RBFOX1: variants seen among roughly 807,000 people sequenced by gnomAD.
RBFOX1 encodes the protein RNA binding protein fox-1 homolog 1.
RBFOX1 carries 8 observed loss-of-function variants against 57.7 expected under a neutral mutation model. The ratio of observed to expected loss-of-function variants is 0.14; its 90% CI spans 0.08 to 0.25. The LOEUF is 0.25. RBFOX1 is among the 10% of genes least tolerant of loss of function. The probability of loss-of-function intolerance (pLI) is 1.00; values close to 1 mark genes in which losing one functional copy is unlikely to be tolerated. For missense variants in RBFOX1, 611 were observed against 548.5 expected (o/e 1.11, Z -1.14); for synonymous variants, 326 against 222.4 (o/e 1.47, Z -4.15).
At chr16:6,336,147 A>G (rs1243719995) in intron 2 of RBFOX1, among the ~76,000 whole-genome samples, 4 of 72,146 alleles carry the variant, frequency 5.5e-5, no homozygotes, top group African/African-American at 2.3e-4. Context: ...TCATATATAT[A>G]CATATACATA....
intron 4 of RBFOX1, among the ~76,000 whole-genome samples, chr16:7,104,197 G>T (rs981520057): frequency 3.3e-5 from 5 of 152,130 alleles, no homozygotes; most frequent in African/African-American, 9.7e-5. Flanking sequence ...GTCTTTGCTA[G>T]TGACTGCTGT....
At chr16:7,563,528 C>T (rs2090937264) in intron 5 of RBFOX1, among the ~76,000 whole-genome samples, 1 of 152,166 alleles carries the variant, frequency 6.6e-6, no homozygotes, top group Non-Finnish European at 1.5e-5. Flanking sequence ...AGTGCAATGG[C>T]ACGATCTCTG....
At chr16:6,038,078 CGGG>C (rs1285501168) in intron 1 of RBFOX1, 1 of 151,860 alleles carries the variant, frequency 6.6e-6, no homozygotes, top group Non-Finnish European at 1.5e-5. Context: ...TATTTTTTGG[CGGG>C]GGATTGACTC....
At chr16:5,693,425 C>A (rs143348552) in intron 3 of RBFOX1, among the ~76,000 whole-genome samples, 3 of 150,206 alleles carry the variant, frequency 2.0e-5, no homozygotes, top group Admixed American at 6.6e-5. Context: ...GCAATGGATA[C>A]GCCTGAGTAG....
chr16:7,240,281 T>A (rs2093990646), intron 4 of RBFOX1, among the ~76,000 whole-genome samples: 1 of 152,060 alleles, frequency 6.6e-6, no homozygotes, highest in Admixed American at 6.6e-5. Context: ...CTATAAGATT[T>A]AAGGATAATA....
At chr16:5,719,475 G>A (rs1402236123) in intron 3 of RBFOX1, among the ~76,000 whole-genome samples, 1 of 151,680 alleles carries the variant, frequency 6.6e-6, no homozygotes, top group African/African-American at 2.4e-5. Flanking sequence ...CTCCCAAAGT[G>A]CTGGGATTGC....
intron 2 of RBFOX1, among the ~76,000 whole-genome samples, chr16:6,408,326 G>A (rs951012999): frequency 5.3e-5 from 8 of 152,140 alleles, no homozygotes; most frequent in African/African-American, 1.9e-4. Context: ...TAAGGAATAA[G>A]GTGTGTGTGC....
At chr16:5,784,278 T>C (rs1448083038) in intron 3 of RBFOX1, among the ~76,000 whole-genome samples, 1 of 151,984 alleles carries the variant, frequency 6.6e-6, no homozygotes, top group Admixed American at 6.5e-5. Flanking sequence ...AAAAACAAAA[T>C]TAGCTGGGCG....
At chr16:6,486,176 C>G (rs2095478365) in intron 2 of RBFOX1, among the ~76,000 whole-genome samples, 2 of 135,178 alleles carry the variant, frequency 1.5e-5, no homozygotes, top group Admixed American at 1.6e-4. Context: ...TTTTATGACA[C>G]TAATTGGTGT....
At chr16:5,981,924 C>G (rs1181586491) in intron 4 of RBFOX1, among the ~76,000 whole-genome samples, 1 of 152,218 alleles carries the variant, frequency 6.6e-6, no homozygotes, top group South Asian at 2.1e-4. Flanking sequence ...ATAGTGCACC[C>G]CCTCACCACA....
chr16:7,205,965 T>C (rs1193584338), intron 4 of RBFOX1, among the ~76,000 whole-genome samples: 1 of 152,254 alleles, frequency 6.6e-6, no homozygotes, highest in East Asian at 1.9e-4. Flanking sequence ...TACGATTTGA[T>C]CTACGACATG....
At chr16:6,757,871 T>A (rs1299366200) in intron 3 of RBFOX1, among the ~76,000 whole-genome samples, 1 of 152,232 alleles carries the variant, frequency 6.6e-6, no homozygotes, top group Non-Finnish European at 1.5e-5. Context: ...CATAACACAT[T>A]GTGTGCATGT....
intron 1 of RBFOX1, among the ~76,000 whole-genome samples, chr16:5,255,490 A>G (rs1436237374): frequency 6.7e-6 from 1 of 150,180 alleles, no homozygotes; most frequent in South Asian, 2.1e-4. Flanking sequence ...CTAACCACCT[A>G]CCAAACCATC....
chr16:6,707,628 G>A (rs1227182719), intron 3 of RBFOX1, among the ~76,000 whole-genome samples: 1 of 151,976 alleles, frequency 6.6e-6, no homozygotes, highest in Non-Finnish European at 1.5e-5. Flanking sequence ...GGATCTCCTT[G>A]GATGAACTGC....
chr16:7,651,423 G>A (rs1258066054), intron 11 of RBFOX1, among the ~76,000 whole-genome samples: 1 of 152,154 alleles, frequency 6.6e-6, no homozygotes, highest in Non-Finnish European at 1.5e-5. Context: ...GCACTACATG[G>A]TCACCCCGTC....
At chr16:6,808,178 G>GTGTGTA (rs1318609964) in intron 3 of RBFOX1, among the ~76,000 whole-genome samples, 1 of 145,544 alleles carries the variant, frequency 6.9e-6, no homozygotes, top group African/African-American at 2.6e-5. Context: ...GTGTGTGTGT[G>GTGTGTA]TATATATATA....
At chr16:6,394,680 T>C (rs887112337) in intron 2 of RBFOX1, among the ~76,000 whole-genome samples, 1 of 151,438 alleles carries the variant, frequency 6.6e-6, no homozygotes, top group Non-Finnish European at 1.5e-5. Flanking sequence ...TATGATATAT[T>C]AATGTATTAG....
At chr16:5,512,434 G>C (rs74866709) in intron 2 of RBFOX1, among the ~76,000 whole-genome samples, 272 of 148,572 alleles carry the variant, frequency 1.8e-3, no homozygotes, top group African/African-American at 6.3e-3. Flanking sequence ...CTCTCTCTCT[G>C]TCTCTCTCTC....
intron 3 of RBFOX1, among the ~76,000 whole-genome samples, chr16:5,783,206 C>T (rs533384311): frequency 7.2e-5 from 11 of 152,268 alleles, no homozygotes; most frequent in East Asian, 3.9e-4. Context: ...AAATAAAATT[C>T]GGCTCTTGAA....
Sources: gnomAD v4.1 joint callset for allele counts (sites outside exome capture counted in the v4.1 genomes callset) on GRCh38, gnomAD v4.1.1 for gene constraint, MANE v1.5 for transcripts, NCBI Gene and HGNC (gene_info 2026-07-23, HGNC 2026-07-21) for gene names.